The following LRBA variants were observed in gnomAD, a reference collection of about 807,000 sequenced individuals.
LRBA encodes LPS responsive beige-like anchor protein, also known as lipopolysaccharide-responsive and beige-like anchor protein.
A neutral mutation model predicts 330.0 loss-of-function variants in LRBA; 176 were observed. The ratio of observed to expected loss-of-function variants is 0.53; its 90% CI spans 0.47 to 0.60. LRBA has a LOEUF of 0.60. Ranked by LOEUF, LRBA falls within the 20% of genes least tolerant of loss-of-function variation. LRBA has a pLI of 0.00. For missense variants in LRBA, 3,259 were observed against 3,444.8 expected, an observed-to-expected ratio of 0.95 and a Z score of 1.35; for synonymous variants, 1,230 against 1,193.0, an observed-to-expected ratio of 1.03 and a Z score of -0.64.
At chr4:150,397,832 T>TA (rs1431945624) in intron 47 of LRBA, among the ~76,000 whole-genome samples, 1 of 152,150 alleles carries the variant, frequency 6.6e-6, no homozygotes, top group Non-Finnish European at 1.5e-5. Context: ...CTCATAAACT[T>TA]ATTGTGAGAC....
At chr4:150,388,215 C>T (rs935381621) in intron 47 of LRBA, among the ~76,000 whole-genome samples, 2 of 152,336 alleles carry the variant, frequency 1.3e-5, no homozygotes, top group East Asian at 1.9e-4. Flanking sequence ...AACAGGGCTC[C>T]GCCCTTACGA....
chr4:150,729,175 G>A (rs147421828), intron 36 of LRBA, among the ~76,000 whole-genome samples: 26 of 152,128 alleles, frequency 1.7e-4, no homozygotes, highest in African/African-American at 3.6e-4. Flanking sequence ...AAAATTAGCC[G>A]GACATAGTGG....
chr4:150,565,025 G>A (rs1365206374), intron 40 of LRBA, among the ~76,000 whole-genome samples: 1 of 151,574 alleles, frequency 6.6e-6, no homozygotes, highest in Non-Finnish European at 1.5e-5. Context: ...CCCGTTACTG[G>A]ATAAATCATT....
At chr4:150,582,772 ACTTTT>A (rs1771552846) in intron 40 of LRBA, 1 of 434,646 alleles carries the variant, frequency 2.3e-6, no homozygotes. Context: ...TCCAAGAGGT[ACTTTT>A]CTTTTTAGAA....
At chr4:150,499,546 G>A (rs2152115949) in intron 40 of LRBA, among the ~76,000 whole-genome samples, 1 of 152,202 alleles carries the variant, frequency 6.6e-6, no homozygotes, top group Non-Finnish European at 1.5e-5. Context: ...AGGCTGAGGT[G>A]GGAGGACTGC....
At chr4:150,471,555 T>A (rs886730854) in intron 43 of LRBA, 69 bp downstream of exon 43, 8 of 903,466 alleles carry the variant, frequency 8.9e-6, no homozygotes, top group Admixed American at 2.4e-5. Flanking sequence ...TACCACTACT[T>A]AAAATAATCT....
chr4:150,792,787 G>A (rs535421226), intron 34 of LRBA, among the ~76,000 whole-genome samples: 7 of 152,196 alleles, frequency 4.6e-5, no homozygotes, highest in East Asian at 3.9e-4. Context: ...AAAAAAAGAG[G>A]TCTAGGCTAG....
chr4:150,854,662 T>TA (rs1751013720), intron 22 of LRBA, among the ~76,000 whole-genome samples: 2 of 152,334 alleles, frequency 1.3e-5, no homozygotes, highest in South Asian at 4.1e-4. Context: ...GTAACTGCAG[T>TA]AGGCCTCTCT....
chr4:150,304,605 C>T (rs1240315377), intron 52 of LRBA, among the ~76,000 whole-genome samples: 1 of 151,912 alleles, frequency 6.6e-6, no homozygotes, highest in East Asian at 1.9e-4. Flanking sequence ...TTTAAGTTGA[C>T]ACCAAAACAT....
At chr4:150,959,648 G>A (rs540105729) in intron 2 of LRBA, among the ~76,000 whole-genome samples, 5 of 148,598 alleles carry the variant, frequency 3.4e-5, no homozygotes, top group Non-Finnish European at 5.9e-5. Context: ...TTGGTCTCCT[G>A]TAGAGGATAA....
At chr4:150,408,109 A>G (rs777469447) in intron 47 of LRBA, among the ~76,000 whole-genome samples, 2 of 152,134 alleles carry the variant, frequency 1.3e-5, no homozygotes, top group South Asian at 4.1e-4. Flanking sequence ...TGAAACAAAA[A>G]GTTGGCTCTT....
intron 2 of LRBA, among the ~76,000 whole-genome samples, chr4:150,975,899 C>T (rs977033154): frequency 4.6e-5 from 7 of 152,188 alleles, no homozygotes; most frequent in Admixed American, 6.5e-5. Flanking sequence ...CAGTGGCTCA[C>T]GCCTGTAATC....
intron 2 of LRBA, among the ~76,000 whole-genome samples, chr4:150,934,947 G>A (rs776237717): frequency 1.3e-5 from 2 of 151,860 alleles, no homozygotes; most frequent in East Asian, 1.9e-4. Context: ...GGTGGAGGAT[G>A]CGGTGAGCCG....
At chr4:150,488,112 T>A (rs1460413202) in intron 41 of LRBA, among the ~76,000 whole-genome samples, 1 of 151,384 alleles carries the variant, frequency 6.6e-6, no homozygotes, top group African/African-American at 2.4e-5. Flanking sequence ...GAAGTTGAGA[T>A]TATGAGACAT....
intron 36 of LRBA, among the ~76,000 whole-genome samples, chr4:150,721,990 T>C (rs938260649): frequency 6.6e-6 from 1 of 152,114 alleles, no homozygotes. Context: ...GTTCCCCAAA[T>C]AGTCAATCTT....
intron 37 of LRBA, among the ~76,000 whole-genome samples, chr4:150,640,985 C>A (rs988420672): frequency 2.0e-5 from 3 of 152,090 alleles, no homozygotes; most frequent in African/African-American, 7.2e-5. Flanking sequence ...TGGACTTTCT[C>A]AAAATTTTCA....
At chr4:150,466,497 G>C (rs2152059681) in intron 44 of LRBA, among the ~76,000 whole-genome samples, 1 of 152,196 alleles carries the variant, frequency 6.6e-6, no homozygotes, top group Admixed American at 6.6e-5. Flanking sequence ...ATTTAGAAGA[G>C]TTAAGGGAAA....
chr4:150,762,418 T>C (rs1735218693), intron 34 of LRBA, among the ~76,000 whole-genome samples: 1 of 151,806 alleles, frequency 6.6e-6, no homozygotes, highest in Admixed American at 6.6e-5. Flanking sequence ...TCTTGATCCA[T>C]TTGAAATTTA....
At chr4:150,272,555 T>G (rs1487962801) in intron 56 of LRBA, among the ~76,000 whole-genome samples, 2 of 151,908 alleles carry the variant, frequency 1.3e-5, no homozygotes, top group Admixed American at 1.3e-4. Context: ...GCAAGGAAGC[T>G]AAGAACCTTG....
Sources: allele counts gnomAD v4.1 joint callset (sites outside exome capture counted in the v4.1 genomes callset), GRCh38; gene constraint gnomAD v4.1.1; transcripts MANE v1.5; gene names NCBI Gene and HGNC (gene_info 2026-07-23, HGNC 2026-07-21).